MACROD2: variants seen among roughly 807,000 people sequenced by gnomAD.
MACROD2 encodes the protein ADP-ribose glycohydrolase MACROD2.
MACROD2 carries 36 observed loss-of-function variants against 70.4 expected under a neutral mutation model. That is an observed-to-expected ratio of 0.51 (90% CI 0.39 to 0.68). MACROD2 has a LOEUF of 0.68. Ranked by LOEUF, MACROD2 falls within the 30% of genes least tolerant of loss-of-function variation. The pLI is 0.00. For synonymous variants in MACROD2, 172 were observed against 178.8 expected (o/e 0.96, Z 0.30); for missense variants, 496 against 538.4 (o/e 0.92, Z 0.78).
At chr20:14,085,573 A>G in intron 2 of MACROD2, 48 bp from the exon 3 acceptor site, 6 of 1,100,076 alleles carry the variant, frequency 5.5e-6, no homozygotes, top group Non-Finnish European at 7.6e-6. Context: ...ATCTCGATTA[A>G]GTTAATTAAT....
At chr20:14,868,463 G>A (rs1320835375) in intron 5 of MACROD2, among the ~76,000 whole-genome samples, 1 of 151,902 alleles carries the variant, frequency 6.6e-6, no homozygotes, top group South Asian at 2.1e-4. Context: ...ACCATGCCTG[G>A]CCTCCCATGT....
intron 10 of MACROD2, among the ~76,000 whole-genome samples, chr20:15,896,606 A>G (rs191787025): frequency 6.6e-6 from 1 of 151,972 alleles, no homozygotes; most frequent in Non-Finnish European, 1.5e-5. Context: ...GGAAATTAGA[A>G]CAAATTTTTT....
chr20:14,622,617 C>T (rs578033140), intron 4 of MACROD2, among the ~76,000 whole-genome samples: 7 of 152,054 alleles, frequency 4.6e-5, no homozygotes, highest in Admixed American at 2.0e-4. Context: ...GATCTGAGGA[C>T]GAAAGTACTT....
intron 2 of MACROD2, among the ~76,000 whole-genome samples, chr20:14,017,452 G>A (rs2263684): frequency 0.93 from 140,780 of 152,174 alleles, 65,183 homozygotes; most frequent in East Asian, 1. Context: ...TGAGTATTGT[G>A]TTACCTGTGG....
intron 5 of MACROD2, among the ~76,000 whole-genome samples, chr20:15,210,348 T>A (rs1262081737): frequency 6.6e-6 from 1 of 152,310 alleles, no homozygotes; most frequent in African/African-American, 2.4e-5. Context: ...AAAACACCCC[T>A]GGACAGATTT....
chr20:14,633,865 C>T (rs188812815), intron 4 of MACROD2, among the ~76,000 whole-genome samples: 104 of 152,338 alleles, frequency 6.8e-4, no homozygotes, highest in African/African-American at 2.3e-3. Context: ...TAGTATTCCC[C>T]TATGGCATTC....
At chr20:15,631,401 A>G (rs553473552) in intron 8 of MACROD2, among the ~76,000 whole-genome samples, 1 of 151,118 alleles carries the variant, frequency 6.6e-6, no homozygotes, top group East Asian at 1.9e-4. Context: ...CCATTATCAA[A>G]TGATGATTTT....
intron 8 of MACROD2, among the ~76,000 whole-genome samples, chr20:15,689,947 C>T (rs75395343): frequency 0.046 from 6,978 of 152,278 alleles, 541 homozygotes; most frequent in African/African-American, 0.16. Context: ...GGCACAGCCC[C>T]TCCATTCACC....
intron 6 of MACROD2, among the ~76,000 whole-genome samples, chr20:15,315,100 AATG>A (rs2077794725): frequency 6.6e-6 from 1 of 152,224 alleles, no homozygotes; most frequent in Non-Finnish European, 1.5e-5. Context: ...GGTCAATTAA[AATG>A]ATCTCATTTG....
In MACROD2 at chr20:14,041,498, A is replaced by C. The variant is rs183679619; in HGVS notation, c.163+39094A>C. 4.4e-3 allele frequency among the ~76,000 whole-genome samples: 670 copies of C among 152,322 alleles called. 7 individuals carry two copies. The highest frequency in any genetic ancestry group is 0.015 in the African/African-American group (641 of 41,574). ...TATGATAGCAATGAGTCCAGATTGC[A>C]GTGGGAAAGAAATATAGGAATAAGA... On this transcript the variant is annotated intron_variant, in intron 2 of 17. Transcript: ENST00000684519.
chr20:13,997,012 A>G (rs2052670236), intron 1 of MACROD2, among the ~76,000 whole-genome samples: 1 of 152,174 alleles, frequency 6.6e-6, no homozygotes, highest in Non-Finnish European at 1.5e-5. Context: ...AAGAAAGGGA[A>G]TTAATGTGGA....
At chr20:15,521,114 T>G (rs2146529862) in intron 8 of MACROD2, among the ~76,000 whole-genome samples, 1 of 152,330 alleles carries the variant, frequency 6.6e-6, no homozygotes. Flanking sequence ...TTGCCCTAAT[T>G]GTATCATCAG....
At chr20:15,243,409 G>A (rs976627824) in intron 6 of MACROD2, among the ~76,000 whole-genome samples, 2 of 152,178 alleles carry the variant, frequency 1.3e-5, no homozygotes, top group Non-Finnish European at 2.9e-5. Context: ...TGAGTATTCT[G>A]TATTTACTGG....
chr20:15,208,819 G>A (rs1054037348), intron 5 of MACROD2, among the ~76,000 whole-genome samples: 4 of 152,180 alleles, frequency 2.6e-5, no homozygotes, highest in African/African-American at 9.7e-5. Flanking sequence ...GGTAGTAAAA[G>A]TGCCAGCTTC....
intron 10 of MACROD2, among the ~76,000 whole-genome samples, chr20:15,907,674 A>G (rs910736800): frequency 6.6e-6 from 1 of 152,204 alleles, no homozygotes; most frequent in Non-Finnish European, 1.5e-5. Flanking sequence ...GTGTGCCGTG[A>G]GTGTGGACAG....
intron 4 of MACROD2, among the ~76,000 whole-genome samples, chr20:14,511,701 A>C (rs1031940157): frequency 6.6e-6 from 1 of 151,940 alleles, no homozygotes; most frequent in African/African-American, 2.4e-5. Context: ...CTAGAACCCA[A>C]TTTTTTTCAG....
chr20:14,919,181 A>C (rs2074130751), intron 5 of MACROD2, among the ~76,000 whole-genome samples: 1 of 152,210 alleles, frequency 6.6e-6, no homozygotes, highest in South Asian at 2.1e-4. Flanking sequence ...AATGCATCAC[A>C]AACACATTGC....
intron 8 of MACROD2, among the ~76,000 whole-genome samples, chr20:15,597,390 G>T (rs2048760218): frequency 6.6e-6 from 1 of 152,174 alleles, no homozygotes; most frequent in African/African-American, 2.4e-5. Context: ...ATTTATTGGG[G>T]CAAAGGATAC....
intron 5 of MACROD2, among the ~76,000 whole-genome samples, chr20:14,985,154 A>G (rs1019892476): frequency 2.6e-5 from 4 of 152,210 alleles, no homozygotes; most frequent in African/African-American, 9.7e-5. Flanking sequence ...TGTAATTTCA[A>G]AACTCCCAAG....
Sources: gnomAD v4.1 joint callset for allele counts (sites outside exome capture counted in the v4.1 genomes callset) on GRCh38, gnomAD v4.1.1 for gene constraint, MANE v1.5 for transcripts, NCBI Gene and HGNC (gene_info 2026-07-23, HGNC 2026-07-21) for gene names.